SPTA1: variants seen among roughly 807,000 people sequenced by gnomAD.
SPTA1 encodes the protein spectrin alpha chain, erythrocytic 1.
A neutral mutation model predicts 324.7 loss-of-function variants in SPTA1; 177 were observed. That is an observed-to-expected ratio of 0.55 (90% confidence interval 0.48 to 0.62). The LOEUF (loss-of-function observed/expected upper bound fraction) is 0.62, where lower values mean the gene tolerates loss of function less well. Among genes scored for constraint, SPTA1 ranks in the 20% least tolerant of loss-of-function variants. SPTA1 has a pLI of 0.00. For synonymous variants in SPTA1, 1,195 were observed against 1,041.3 expected, an observed-to-expected ratio of 1.15 and a Z score of -2.84; for missense variants, 3,162 against 2,883.6, an observed-to-expected ratio of 1.10 and a Z score of -2.21.
At chr1:158,616,516 G>A (rs978885353) in intron 47 of SPTA1, among the ~76,000 whole-genome samples, 4 of 152,030 alleles carry the variant, frequency 2.6e-5, no homozygotes, top group Non-Finnish European at 5.9e-5. Flanking sequence ...TTGTCTTACT[G>A]TGCTTGGCTT....
At chr1:158,617,616 T>A in intron 46 of SPTA1, 28 bp from the exon 47 acceptor site, 1 of 1,584,298 alleles carries the variant, frequency 6.3e-7, no homozygotes, top group Non-Finnish European at 8.7e-7. Flanking sequence ...GAAATCATTA[T>A]GCATCACATC....
Position 158,638,045 on chromosome 1 carries a change from T to C in SPTA1, c.5177A>G (p.Glu1726Gly). ...FQFFQDLDDE[E>G]SWIEEKLIRV... ...TGGTGGCACATACTCTATCCAGGAT[T>C]CCTCATCATCTAGATCCTGGAAGAA... Residue 1726 changes from glutamate to glycine, a missense_variant, in exon 36 of 52, where the codon GAA (glutamate) becomes GGA (glycine). By Grantham distance (98) the Glu-to-Gly change is moderately conservative. Transcript: ENST00000643759. The C allele has an allele frequency of 1.2e-6, 2 of 1,613,784 alleles. No homozygotes were observed. Among genetic ancestry groups the C allele is most frequent in the Non-Finnish European group, 1.7e-6 (2 of 1,179,804 alleles).
chr1:158,643,680 C>G (rs1651784749), intron 30 of SPTA1, among the ~76,000 whole-genome samples: 1 of 152,084 alleles, frequency 6.6e-6, no homozygotes, highest in South Asian at 2.1e-4. Flanking sequence ...AGGGTGAATC[C>G]TTTATTGAGT....
At chr1:158,680,505 T>C in intron 5 of SPTA1, 78 bp downstream of exon 5, 1 of 1,593,262 alleles carries the variant, frequency 6.3e-7, no homozygotes, top group South Asian at 1.1e-5. Flanking sequence ...CTCCTTCATA[T>C]CCATCTACTA....
At chr1:158,685,520 T>A (rs1430884944) in intron 1 of SPTA1, among the ~76,000 whole-genome samples, 173 bp from the exon 2 acceptor site, 1 of 152,134 alleles carries the variant, frequency 6.6e-6, no homozygotes, top group Non-Finnish European at 1.5e-5. Flanking sequence ...TAACCAGACA[T>A]AGCTTCTGTT....
Position 158,617,592 on chromosome 1 carries a change from G to A in SPTA1, c.6549-4C>T. The A allele has an allele frequency of 6.2e-7, 1 of 1,611,862 alleles. No homozygotes were observed. Among genetic ancestry groups the A allele is most frequent in the Non-Finnish European group, 8.5e-7 (1 of 1,178,052 alleles). On this transcript the variant is annotated splice_region_variant and splice_polypyrimidine_tract_variant and intron_variant, in intron 46 of 51. Transcript: ENST00000643759. ...TCCTGTTTCTTTGAGCAATGATCTA[G>A]TTAAGAACCGAAGGAAATCATTATG...
intron 5 of SPTA1, 110 bp downstream of exon 5, chr1:158,680,473 C>G: frequency 6.7e-7 from 1 of 1,500,476 alleles, no homozygotes; most frequent in East Asian, 2.3e-5. Flanking sequence ...ATGCCAACCT[C>G]TGTTTTCTCA....
chr1:158,664,810 T>C (rs188019758), intron 16 of SPTA1, among the ~76,000 whole-genome samples: 25 of 152,340 alleles, frequency 1.6e-4, no homozygotes, highest in African/African-American at 5.5e-4. Context: ...ATCATCACTA[T>C]AGATCCACTG....
At position 158,635,264 on chromosome 1, in the gene SPTA1, T is replaced by C. The variant is rs185497337; in HGVS notation, c.5433-589A>G. Among the ~76,000 whole-genome samples, 7 of 152,168 alleles carry C rather than the reference T, an allele frequency of 4.6e-5. No homozygotes were observed. The East Asian group carries it at 1.4e-3, about 29-fold the overall frequency. The stretch of plus-strand genomic sequence containing the variant: ...TTTCTCCTTACTGTTTTCATGATAG[T>C]GAGTGAGTTCTTGCAAGATCTGATG... On this transcript the variant is annotated intron_variant, in intron 38 of 51. Transcript: ENST00000643759.
At chr1:158,641,784 A>G (rs1377074384) in intron 33 of SPTA1, among the ~76,000 whole-genome samples, 1 of 152,210 alleles carries the variant, frequency 6.6e-6, no homozygotes, top group Non-Finnish European at 1.5e-5. Flanking sequence ...TAGAAACACC[A>G]TTTGACCCAG....
chr1:158,629,237 G>A (rs192968965), intron 39 of SPTA1, among the ~76,000 whole-genome samples: 1 of 147,974 alleles, frequency 6.8e-6, no homozygotes, highest in African/African-American at 2.5e-5. Context: ...GAATATAGAG[G>A]GCCTAATATC....
Position 158,641,682 on chromosome 1 carries a change from A to G in SPTA1, c.4737+729T>C, listed in dbSNP as rs149156222. On this transcript the variant is annotated intron_variant, in intron 33 of 51. Transcript: ENST00000643759. ...ACAACAGGTGCTGGAGAGGATGTGGAGAAATAGGAACACTTTTACACTGCT... is the reference window on the plus strand; with the variant it reads ...ACAACAGGTGCTGGAGAGGATGTGGGGAAATAGGAACACTTTTACACTGCT... 7.9e-3 allele frequency among the ~76,000 whole-genome samples: 1,197 copies of G among 152,314 alleles called. 20 individuals carry two copies. Among genetic ancestry groups the G allele is most frequent in the African/African-American group, 0.027 (1,117 of 41,574 alleles).
rs201615192 is a variant in SPTA1 at position 158,648,615 on chromosome 1, C to T, written c.3608G>A (p.Cys1203Tyr). The T allele has an allele frequency of 3.1e-6, 5 of 1,613,938 alleles. No individual in the cohort carries two copies. The African/African-American group carries it at 4.0e-5, about 13-fold the overall frequency. Reference sequence around the variant, plus strand: ...AGGGTCTGCAGCACTGAGGGCCTGGCATTTCTTCTCAATCTGCTCCTTCGT... The same window carrying T: ...AGGGTCTGCAGCACTGAGGGCCTGGTATTTCTTCTCAATCTGCTCCTTCGT... ...DDTKEQIEKK[C>Y]QALSAADPGS... The change falls in exon 26 of 52, where the codon TGC (cysteine) becomes TAC (tyrosine). Residue 1203 changes from cysteine (C) to tyrosine (Y), a missense_variant. By Grantham distance (194) the Cys-to-Tyr change is radical (BLOSUM62 -2). Coordinates refer to ENST00000643759, the MANE Select transcript of SPTA1 (RefSeq NM_003126.4).
intron 43 of SPTA1, among the ~76,000 whole-genome samples, chr1:158,621,872 T>C (rs1187806345): frequency 1.3e-5 from 2 of 152,192 alleles, no homozygotes; most frequent in Non-Finnish European, 1.5e-5. Flanking sequence ...TTTCCTTTTA[T>C]TTATTTTTTG....
chr1:158,615,226 T>C lies in SPTA1; in HGVS notation c.6778A>G (p.Ile2260Val), dbSNP rs781255512. ...ACACGCCCTCAATACTTGGCCTGGA[T>C]CTGTTGCTCCAGGTTGTGTTGCATC... ...LRMQHNLEQQ[I>V]QAKDIKGVSE... is the part of the protein sequence containing the mutation. The change falls in exon 48 of 52, where the codon ATC (isoleucine) becomes GTC (valine). Residue 2260 changes from isoleucine to valine, a missense_variant. Physicochemically the swap from Ile to Val is conservative, Grantham distance 29. Coordinates refer to ENST00000643759, the MANE Select transcript of SPTA1 (RefSeq NM_003126.4). The C allele has an allele frequency of 1.2e-6, 2 of 1,613,206 alleles. No individual in the cohort carries two copies. The highest frequency in any genetic ancestry group is 1.7e-6 in the Non-Finnish European group (2 of 1,180,010).
chr1:158,624,940 C>T (rs1650171888), intron 42 of SPTA1, among the ~76,000 whole-genome samples: 1 of 152,168 alleles, frequency 6.6e-6, no homozygotes, highest in East Asian at 1.9e-4. Flanking sequence ...GGTGAGTCTT[C>T]AAAGAAATTG....
chr1:158,673,380 T>C (rs1557985040), intron 10 of SPTA1, among the ~76,000 whole-genome samples: 1 of 152,120 alleles, frequency 6.6e-6, no homozygotes, highest in Non-Finnish European at 1.5e-5. Context: ...CATTCCAAGG[T>C]GTGCCTAGAC....
In SPTA1 at chr1:158,650,207, C is replaced by A. The variant is rs12407145; in HGVS notation, c.3478-260G>T. Among the ~76,000 whole-genome samples the A allele has an allele frequency of 4.1e-4, 63 of 152,280 alleles. No individual in the cohort carries two copies. In the East Asian group the frequency reaches 5.0e-3, roughly 12 times the overall value. ...AGCAGTAAATAAGTGCTTGCTATTA[C>A]AAAGACTGCACTGTAAACTCCAAAA... On this transcript the variant is annotated intron_variant, in intron 24 of 51. Transcript: ENST00000643759.
intron 3 of SPTA1, among the ~76,000 whole-genome samples, chr1:158,683,060 C>T (rs1329399056): frequency 1.3e-5 from 2 of 152,100 alleles, no homozygotes; most frequent in Admixed American, 6.6e-5. Context: ...TTAGAAAGAA[C>T]ATTGGAAAAA....
Sources: gnomAD v4.1 joint callset for allele counts (sites outside exome capture counted in the v4.1 genomes callset) on GRCh38, gnomAD v4.1.1 for gene constraint, MANE v1.5 for transcripts, NCBI Gene and HGNC (gene_info 2026-07-23, HGNC 2026-07-21) for gene names.